CRY1: variants seen among roughly 807,000 people sequenced by gnomAD.
The protein encoded by CRY1 is cryptochrome-1.
CRY1 carries 45 observed loss-of-function variants against 76.0 expected under a neutral mutation model. That is an observed-to-expected ratio of 0.59 (90% CI 0.47 to 0.76). The LOEUF (loss-of-function observed/expected upper bound fraction) is 0.76, where lower values mean the gene tolerates loss of function less well. Ranked by LOEUF, CRY1 falls within the 30% of genes least tolerant of loss-of-function variation. The pLI is 0.00. For synonymous variants in CRY1, 248 were observed against 244.0 expected, an observed-to-expected ratio of 1.02 and a Z score of -0.15; for missense variants, 587 against 716.4, an observed-to-expected ratio of 0.82 and a Z score of 2.06.
intron 7 of CRY1, among the ~76,000 whole-genome samples, chr12:106,998,692 A>ACACACACACACAC (rs35847830): frequency 6.6e-6 from 1 of 150,854 alleles, no homozygotes; most frequent in South Asian, 2.1e-4. Flanking sequence ...ACACACACAC[A>ACACACACACACAC]AGCTCAGAAA....
At chr12:107,079,098 T>C (rs1286155111) in intron 1 of CRY1, among the ~76,000 whole-genome samples, 4 of 151,794 alleles carry the variant, frequency 2.6e-5, no homozygotes, top group African/African-American at 9.7e-5. Context: ...TCTTATATAA[T>C]AGGCAACAAT....
intron 1 of CRY1, among the ~76,000 whole-genome samples, chr12:107,057,780 T>C (rs1343325003): frequency 2.0e-5 from 3 of 151,006 alleles, no homozygotes; most frequent in Admixed American, 2.0e-4. Context: ...TAATTAAGGT[T>C]AGGACTGGTG....
At chr12:107,018,460 G>A (rs536406063) in intron 2 of CRY1, among the ~76,000 whole-genome samples, 1 of 152,286 alleles carries the variant, frequency 6.6e-6, no homozygotes, top group South Asian at 2.1e-4. Flanking sequence ...GGTGGTGCAT[G>A]CCTATAATCT....
At chr12:107,066,596 C>A (rs935016340) in intron 1 of CRY1, among the ~76,000 whole-genome samples, 1 of 151,938 alleles carries the variant, frequency 6.6e-6, no homozygotes, top group Non-Finnish European at 1.5e-5. Context: ...ACAGAGACTA[C>A]ATGGGACTAC....
At chr12:107,020,867 T>C (rs372265928) in intron 2 of CRY1, among the ~76,000 whole-genome samples, 1 of 152,364 alleles carries the variant, frequency 6.6e-6, no homozygotes, top group African/African-American at 2.4e-5. Context: ...GAGCTAGTTG[T>C]ATGATCTTGG....
At chr12:107,077,398 A>G (rs2136897364) in intron 1 of CRY1, among the ~76,000 whole-genome samples, 1 of 152,340 alleles carries the variant, frequency 6.6e-6, no homozygotes, top group East Asian at 1.9e-4. Flanking sequence ...GGTAGATAAC[A>G]GGCTCTCACT....
intron 1 of CRY1, among the ~76,000 whole-genome samples, chr12:107,045,796 C>G (rs1952842012): frequency 6.6e-6 from 1 of 151,946 alleles, no homozygotes; most frequent in South Asian, 2.1e-4. Flanking sequence ...ACATCACACA[C>G]CGGGGCCTGT....
At chr12:107,069,286 G>A (rs543129178) in intron 1 of CRY1, among the ~76,000 whole-genome samples, 1 of 149,544 alleles carries the variant, frequency 6.7e-6, no homozygotes, top group African/African-American at 2.5e-5. Context: ...GTGCAGTGGT[G>A]CAATCTTGGC....
Position 107,083,448 on chromosome 12 carries a change from A to G in CRY1, c.158+9356T>C, listed in dbSNP as rs151075821. Among the ~76,000 whole-genome samples the G allele has an allele frequency of 2.0e-3, 306 of 152,330 alleles. 3 individuals are homozygous for G. The highest frequency in any genetic ancestry group is 7.0e-3 in the African/African-American group (292 of 41,576). On this transcript the variant is annotated intron_variant, in intron 1 of 12. Coordinates refer to ENST00000008527, the MANE Select transcript of CRY1 (RefSeq NM_004075.5). ...CATCAATATGAAAATACTCAATAAA[A>G]TACTGGCAAACCGAATCTAGCAGCA...
intron 1 of CRY1, among the ~76,000 whole-genome samples, chr12:107,066,504 G>A (rs1346515189): frequency 2.0e-5 from 3 of 151,958 alleles, no homozygotes; most frequent in Admixed American, 1.3e-4. Context: ...CACCCAGGCT[G>A]GAGTGCAGTG....
Position 107,022,198 on chromosome 12 carries a change from G to C in CRY1, c.159-6C>G. The C allele has an allele frequency of 6.8e-7, 1 of 1,475,088 alleles. No homozygotes were observed. The highest frequency in any genetic ancestry group is 9.3e-7 in the Non-Finnish European group (1 of 1,075,798). The allele number at this position is 1,475,088 out of a possible 1,614,324, so 91.4% of individuals were successfully genotyped here. ...CAAGACACTGAAGCAAAAATCTAGA[G>C]AGAAGAAAGTATTATTTAAATTATT... On this transcript the variant is annotated splice_polypyrimidine_tract_variant and splice_region_variant and intron_variant, in intron 1 of 12. Transcript: ENST00000008527.
intron 1 of CRY1, among the ~76,000 whole-genome samples, chr12:107,068,452 T>C (rs1422262796): frequency 6.6e-6 from 1 of 152,040 alleles, no homozygotes; most frequent in East Asian, 1.9e-4. Context: ...TGTGCCACCA[T>C]GCCCCGCTAA....
chr12:107,076,251 A>T (rs1258121501), intron 1 of CRY1, among the ~76,000 whole-genome samples: 4 of 151,870 alleles, frequency 2.6e-5, no homozygotes, highest in Non-Finnish European at 5.9e-5. Context: ...TTTTTTTTTT[A>T]AATGATTTCC....
intron 2 of CRY1, among the ~76,000 whole-genome samples, chr12:107,020,516 G>C (rs891874414): frequency 1.0e-3 from 138 of 137,964 alleles, no homozygotes; most frequent in African/African-American, 3.5e-3. Flanking sequence ...GTGAGTGCTT[G>C]CAAGATCTGT....
intron 1 of CRY1, among the ~76,000 whole-genome samples, chr12:107,081,685 G>A (rs1338603200): frequency 6.6e-6 from 1 of 152,056 alleles, no homozygotes; most frequent in Admixed American, 6.6e-5. Context: ...TTAAGTGAGA[G>A]AGAGATTATA....
At chr12:107,048,918 T>C (rs1952881986) in intron 1 of CRY1, among the ~76,000 whole-genome samples, 1 of 152,222 alleles carries the variant, frequency 6.6e-6, no homozygotes, top group African/African-American at 2.4e-5. Flanking sequence ...CAGTCATTTT[T>C]TGTCTTTCAA....
At chr12:107,063,037 T>C (rs1953065732) in intron 1 of CRY1, among the ~76,000 whole-genome samples, 1 of 152,248 alleles carries the variant, frequency 6.6e-6, no homozygotes, top group African/African-American at 2.4e-5. Flanking sequence ...TAAAAATATG[T>C]ATTTCATGGT....
chr12:107,007,749 C>T (rs371685744), intron 2 of CRY1, among the ~76,000 whole-genome samples: 12 of 152,162 alleles, frequency 7.9e-5, no homozygotes, highest in African/African-American at 2.9e-4. Context: ...AAGCTAGTCT[C>T]AAAATCCTGC....
intron 1 of CRY1, among the ~76,000 whole-genome samples, chr12:107,069,848 T>A (rs938412042): frequency 6.7e-5 from 10 of 150,348 alleles, no homozygotes; most frequent in African/African-American, 2.2e-4. Context: ...TAAAAGGTAA[T>A]TTACAGAAAG....
Sources: allele counts gnomAD v4.1 joint callset (sites outside exome capture counted in the v4.1 genomes callset), GRCh38; gene constraint gnomAD v4.1.1; transcripts MANE v1.5; gene names NCBI Gene and HGNC (gene_info 2026-07-23, HGNC 2026-07-21).